Variants in MMP26 observed in about 807,000 individuals in gnomAD.
The protein encoded by MMP26 is matrix metallopeptidase 26.
MMP26 carries 33 observed loss-of-function variants against 31.0 expected under a neutral mutation model. That is an observed-to-expected ratio of 1.06 (90% CI 0.81 to 1.42). MMP26 has a LOEUF of 1.42. Among genes scored for constraint, MMP26 ranks in the 40% most tolerant of loss-of-function variants. The pLI is 0.00. For missense variants in MMP26, 347 were observed against 316.1 expected, an observed-to-expected ratio of 1.10 and a Z score of -0.74; for synonymous variants, 122 against 114.9, an observed-to-expected ratio of 1.06 and a Z score of -0.40.
At chr11:4,737,599 C>T (rs749590954) in intron 1 of MMP26, among the ~76,000 whole-genome samples, 3 of 152,192 alleles carry the variant, frequency 2.0e-5, no homozygotes, top group South Asian at 2.1e-4. Flanking sequence ...GCCGAGATCA[C>T]GCCTTTGCAC....
chr11:4,785,553 A>G (rs12801309), intron 2 of MMP26, among the ~76,000 whole-genome samples: 14,430 of 152,150 alleles, frequency 0.095, 857 homozygotes, highest in Middle Eastern at 0.15. Flanking sequence ...CTTTCTCATA[A>G]TTGACTTTAC....
At chr11:4,885,119 A>C (rs531933598) in intron 2 of MMP26, among the ~76,000 whole-genome samples, 1 of 152,156 alleles carries the variant, frequency 6.6e-6, no homozygotes, top group Non-Finnish European at 1.5e-5. Context: ...AAAAATTTCA[A>C]CAATATACTC....
chr11:4,882,363 C>T (rs544285410), intron 2 of MMP26: 4 of 1,613,948 alleles, frequency 2.5e-6, no homozygotes, highest in Non-Finnish European at 3.4e-6. Context: ...ATTAGACCAG[C>T]AGTTTTCTTA....
chr11:4,921,171 T>A (rs1004001146), intron 2 of MMP26, among the ~76,000 whole-genome samples: 2 of 152,186 alleles, frequency 1.3e-5, no homozygotes, highest in African/African-American at 2.4e-5. Context: ...GACAAGTGGA[T>A]GAAGTACCTA....
intron 1 of MMP26, among the ~76,000 whole-genome samples, chr11:4,746,575 C>T (rs557597308): frequency 3.9e-5 from 6 of 152,116 alleles, no homozygotes; most frequent in Middle Eastern, 6.8e-3. Flanking sequence ...TGGTGGCTCA[C>T]GCCTGTAATC....
At chr11:4,893,432 G>A (rs905241730) in intron 2 of MMP26, among the ~76,000 whole-genome samples, 2 of 152,038 alleles carry the variant, frequency 1.3e-5, no homozygotes, top group Non-Finnish European at 2.9e-5. Context: ...ATTCCAACAT[G>A]TTTCCATCTC....
intron 2 of MMP26, 84 bp downstream of exon 2, chr11:4,767,425 C>T (rs1262091038): frequency 1.1e-4 from 16 of 152,116 alleles, no homozygotes; most frequent in Admixed American, 9.8e-4. Flanking sequence ...ATGTTTTACA[C>T]ACACAAGATT....
chr11:4,858,712 G>GA (rs546809917), intron 2 of MMP26, among the ~76,000 whole-genome samples: 47 of 152,098 alleles, frequency 3.1e-4, no homozygotes, highest in African/African-American at 1.1e-3. Context: ...CACAAAATTG[G>GA]AAAAAACTAC....
At chr11:4,856,216 T>C (rs1212070699) in intron 2 of MMP26, among the ~76,000 whole-genome samples, 2 of 152,146 alleles carry the variant, frequency 1.3e-5, no homozygotes, top group Non-Finnish European at 2.9e-5. Context: ...AATTCACACA[T>C]AACAATATTA....
chr11:4,822,363 C>A (rs377650985), intron 2 of MMP26: 2 of 1,474,602 alleles, frequency 1.4e-6, no homozygotes, highest in African/African-American at 1.4e-5. Flanking sequence ...AGAAGCACTC[C>A]AAATCTAATC....
rs575118929 is a variant in MMP26 at position 4,955,427 on chromosome 11, G to T, written c.-144-32641G>T. 2.0e-5 allele frequency: 23 copies of T among 1,179,090 alleles called. 5 individuals carry two copies. In the South Asian group the frequency reaches 2.9e-4, roughly 15 times the overall value. 73.0% of individuals were successfully genotyped at this position (1,179,090 alleles called of 1,614,324 possible). A position where few individuals can be genotyped will look rare whatever the true frequency, so the allele number is the denominator to read the frequency against. ...GAATTCCTGGGCAAAGCAGGCACTAGAAGAAGTTTCAGGGGCATTGAACAG... is the reference window on the plus strand; with the variant it reads ...GAATTCCTGGGCAAAGCAGGCACTATAAGAAGTTTCAGGGGCATTGAACAG... On this transcript the variant is annotated intron_variant, in intron 2 of 7. Coordinates refer to ENST00000380390, the MANE Select transcript of MMP26 (RefSeq NM_021801.5).
intron 2 of MMP26, among the ~76,000 whole-genome samples, chr11:4,884,476 T>C (rs2133541940): frequency 6.6e-6 from 1 of 152,228 alleles, no homozygotes; most frequent in South Asian, 2.1e-4. Context: ...TATTCAAAAG[T>C]GCAAGAAGCC....
At chr11:4,812,706 G>A (rs974323558) in intron 2 of MMP26, among the ~76,000 whole-genome samples, 2 of 152,166 alleles carry the variant, frequency 1.3e-5, no homozygotes, top group African/African-American at 4.8e-5. Flanking sequence ...AGTCAAATAA[G>A]TATTTGTTTC....
intron 2 of MMP26, among the ~76,000 whole-genome samples, chr11:4,930,728 C>T (rs840709): frequency 0.74 from 111,929 of 151,922 alleles, 41,473 homozygotes; most frequent in East Asian, 0.88. Context: ...ACTATACTTG[C>T]ACAGGGATCT....
At chr11:4,935,890 C>T (rs1164401927) in intron 2 of MMP26, among the ~76,000 whole-genome samples, 8 of 146,068 alleles carry the variant, frequency 5.5e-5, no homozygotes, top group Admixed American at 1.4e-4. Flanking sequence ...TATTGATTTG[C>T]GTATATTGAA....
At chr11:4,795,442 A>C (rs1849092801) in intron 2 of MMP26, among the ~76,000 whole-genome samples, 1 of 152,214 alleles carries the variant, frequency 6.6e-6, no homozygotes, top group African/African-American at 2.4e-5. Flanking sequence ...TATGAGGGCC[A>C]AGTGATTAGA....
intron 2 of MMP26, among the ~76,000 whole-genome samples, chr11:4,839,558 A>G (rs1849766365): frequency 6.6e-6 from 1 of 151,726 alleles, no homozygotes; most frequent in South Asian, 2.1e-4. Flanking sequence ...GAACCTAGCT[A>G]CCAGATGGCA....
intron 2 of MMP26, chr11:4,882,703 C>T: frequency 6.2e-7 from 1 of 1,613,990 alleles, no homozygotes; most frequent in Non-Finnish European, 8.5e-7. Flanking sequence ...GCCTCTTCCA[C>T]TCCACCCCAA....
At chr11:4,871,099 T>C (rs1442631463) in intron 2 of MMP26, among the ~76,000 whole-genome samples, 1 of 152,104 alleles carries the variant, frequency 6.6e-6, no homozygotes, top group Non-Finnish European at 1.5e-5. Context: ...TAATTCAGCA[T>C]TGCAGCAATA....
Sources: gnomAD v4.1 joint callset for allele counts (sites outside exome capture counted in the v4.1 genomes callset) on GRCh38, gnomAD v4.1.1 for gene constraint, MANE v1.5 for transcripts, NCBI Gene and HGNC (gene_info 2026-07-23, HGNC 2026-07-21) for gene names.